HECTD4: variants seen among roughly 807,000 people sequenced by gnomAD.
HECTD4 encodes probable E3 ubiquitin-protein ligase HECTD4.
HECTD4 carries 114 observed loss-of-function variants against 471.5 expected under a neutral mutation model. That is an observed-to-expected ratio of 0.24 (90% CI 0.21 to 0.28). The LOEUF is 0.28. HECTD4 is among the 10% of genes least tolerant of loss of function. The probability of loss-of-function intolerance (pLI) is 1.00; values close to 1 mark genes in which losing one functional copy is unlikely to be tolerated. For missense variants in HECTD4, 3,866 were observed against 5,651.5 expected (o/e 0.68, Z 10.13); for synonymous variants, 2,012 against 2,256.0 (o/e 0.89, Z 3.07).
chr12:112,175,163 T>A (rs1051992813), intron 66 of HECTD4, among the ~76,000 whole-genome samples: 3 of 152,184 alleles, frequency 2.0e-5, no homozygotes, highest in Non-Finnish European at 4.4e-5. Flanking sequence ...GTCCTCCCAG[T>A]CCCCGAACAG....
chr12:112,281,379 A>T (rs2034639367), intron 8 of HECTD4, among the ~76,000 whole-genome samples: 1 of 152,146 alleles, frequency 6.6e-6, no homozygotes, highest in South Asian at 2.1e-4. Flanking sequence ...ACCAAATTCT[A>T]AATATGTCCT....
chr12:112,335,587 C>T (rs2035940662), intron 1 of HECTD4, among the ~76,000 whole-genome samples: 1 of 152,108 alleles, frequency 6.6e-6, no homozygotes, highest in Admixed American at 6.5e-5. Flanking sequence ...ACTCGAGAGG[C>T]TGAGGCAGGA....
chr12:112,212,846 A>G (rs1175962490), intron 48 of HECTD4, among the ~76,000 whole-genome samples, 196 bp from the exon 49 acceptor site: 5 of 152,178 alleles, frequency 3.3e-5, no homozygotes, highest in Non-Finnish European at 1.5e-5. Context: ...CCCAGGCTGG[A>G]GTACAGTGGT....
intron 1 of HECTD4, among the ~76,000 whole-genome samples, chr12:112,340,969 C>A (rs963382975): frequency 6.6e-6 from 1 of 152,108 alleles, no homozygotes; most frequent in Admixed American, 6.5e-5. Flanking sequence ...AAATGAGGCA[C>A]AAAACACAAT....
chr12:112,247,603 A>G (rs2033790352), intron 27 of HECTD4, 53 bp from the exon 28 acceptor site: 1 of 799,966 alleles, frequency 1.3e-6, no homozygotes, highest in South Asian at 2.3e-5. Flanking sequence ...GTTTTACTAT[A>G]CATATATTAA....
chr12:112,317,767 T>C (rs953174069), intron 2 of HECTD4, among the ~76,000 whole-genome samples: 2 of 151,602 alleles, frequency 1.3e-5, no homozygotes, highest in African/African-American at 4.8e-5. Flanking sequence ...TTGCTTCAGC[T>C]CAGGAGTTTG....
In HECTD4 at chr12:112,167,550, G is replaced by A. The variant is rs771347180; in HGVS notation, c.12313-12C>T. On this transcript the variant is annotated splice_polypyrimidine_tract_variant and intron_variant, in intron 71 of 75. Transcript: ENST00000682272. Reference sequence around the variant, plus strand: ...AGGATATACTTGCCCTGGAAGTGGAGGTGGGCATGAGGTGACCTGGGCGTG... The same window carrying A: ...AGGATATACTTGCCCTGGAAGTGGAAGTGGGCATGAGGTGACCTGGGCGTG... 3.8e-6 allele frequency: 6 copies of A among 1,562,926 alleles called. No individual in the cohort carries two copies. Among genetic ancestry groups the A allele is most frequent in the Middle Eastern group, 1.8e-4 (1 of 5,462 alleles).
At chr12:112,220,294 A>G (rs1439793730) in intron 44 of HECTD4, among the ~76,000 whole-genome samples, 1 of 152,130 alleles carries the variant, frequency 6.6e-6, no homozygotes. Flanking sequence ...TGGAGAACAC[A>G]AAGATATATG....
chr12:112,206,476 T>G (rs1425296947), intron 52 of HECTD4, among the ~76,000 whole-genome samples: 1 of 151,100 alleles, frequency 6.6e-6, no homozygotes, highest in Non-Finnish European at 1.5e-5. Context: ...GCCCAGTTAA[T>G]ATAGAGCGAG....
At chr12:112,261,732 A>G (rs1297331192) in intron 17 of HECTD4, 1 of 219,720 alleles carries the variant, frequency 4.6e-6, no homozygotes, top group Non-Finnish European at 9.1e-6. Flanking sequence ...AGCACAAGAA[A>G]TATTTCCCAT....
intron 7 of HECTD4, chr12:112,302,233 C>G (rs912094996): frequency 2.3e-6 from 3 of 1,314,734 alleles, no homozygotes; most frequent in African/African-American, 1.4e-5. Flanking sequence ...TGTTCTCCAC[C>G]AAGGTGGTGA....
rs1004233293 is a variant in HECTD4, at chr12:112,167,702, G to C, written c.12312+112C>G. 8.1e-6 allele frequency: 9 copies of C among 1,114,234 alleles called. No homozygotes were observed. In the Admixed American group the frequency reaches 1.3e-4, roughly 17 times the overall value. 69.0% of individuals were successfully genotyped at this position (1,114,234 alleles called of 1,614,324 possible). A position where few individuals can be genotyped will look rare whatever the true frequency, so the allele number is the denominator to read the frequency against. On this transcript the variant is annotated intron_variant, in intron 71 of 75. Transcript: ENST00000682272. The stretch of plus-strand genomic sequence containing the variant: ...GGCAAGGACCTGTCCCCACAGATTG[G>C]GAGGGTTTCTGAAACGGTTTGGCTT...
chr12:112,240,334 A>G (rs1416696118), intron 32 of HECTD4, among the ~76,000 whole-genome samples: 2 of 152,244 alleles, frequency 1.3e-5, no homozygotes, highest in African/African-American at 4.8e-5. Flanking sequence ...CCTCTCCACA[A>G]GCAGGGGACA....
intron 72 of HECTD4, 118 bp from the exon 73 acceptor site, chr12:112,164,393 A>G: frequency 9.4e-7 from 1 of 1,060,166 alleles, no homozygotes; most frequent in Non-Finnish European, 1.4e-6. Context: ...GGCCGTGTAG[A>G]TGAGCATGTG....
chr12:112,187,844 T>C (rs905452061), intron 60 of HECTD4, among the ~76,000 whole-genome samples: 5 of 151,242 alleles, frequency 3.3e-5, no homozygotes, highest in Admixed American at 1.3e-4. Context: ...GCCAGGATGG[T>C]CTTGATCTCC....
In HECTD4 at chr12:112,193,360, A is replaced by T; in HGVS notation, c.8955+109T>A. 1 of 1,347,544 alleles carries T rather than the reference A, an allele frequency of 7.4e-7. No homozygotes were observed. Among genetic ancestry groups the T allele is most frequent in the Non-Finnish European group, 1.0e-6 (1 of 971,758 alleles). 83.5% of individuals were successfully genotyped at this position (1,347,544 alleles called of 1,614,324 possible). On this transcript the variant is annotated intron_variant, in intron 57 of 75. Coordinates refer to ENST00000682272, the MANE Select transcript of HECTD4 (RefSeq NM_001388303.1). This position sits in a 1 kb window ranked among gnomAD's most constrained non-coding sequence, Gnocchi z 5.2. ...AAAAGCTTCTAGGAAAAGGAAATCG[A>T]GAGGAATAGGGACTTGGAAGGGAAA...
intron 1 of HECTD4, among the ~76,000 whole-genome samples, chr12:112,337,929 T>C (rs1183291197): frequency 6.6e-6 from 1 of 152,240 alleles, no homozygotes; most frequent in Non-Finnish European, 1.5e-5. Flanking sequence ...GAAATCAATG[T>C]GGCATTATCC....
At chr12:112,190,300 A>G (rs2032035281) in intron 60 of HECTD4, among the ~76,000 whole-genome samples, 1 of 152,248 alleles carries the variant, frequency 6.6e-6, no homozygotes, top group Admixed American at 6.5e-5. Context: ...TTAAGGAGGC[A>G]TATCATTAAA....
intron 62 of HECTD4, among the ~76,000 whole-genome samples, chr12:112,180,350 C>G (rs1042422068): frequency 6.6e-6 from 1 of 152,116 alleles, no homozygotes; most frequent in African/African-American, 2.4e-5. Flanking sequence ...GAGTTCAAGA[C>G]CAGCCTGGGC....
Sources: gnomAD v4.1 joint callset for allele counts (sites outside exome capture counted in the v4.1 genomes callset) on GRCh38, gnomAD v4.1.1 for gene constraint, Gnocchi (gnomAD v3.1) non-coding constraint, MANE v1.5 for transcripts, NCBI Gene and HGNC (gene_info 2026-07-23, HGNC 2026-07-21) for gene names.